Variants in DNM3 observed in about 807,000 individuals in gnomAD.
DNM3 encodes dynamin 3.
Under a neutral mutation model 101.6 loss-of-function variants are expected in DNM3, and 47 were observed. The observed-to-expected ratio is 0.46, with a 90% CI of 0.37 to 0.59. The LOEUF (loss-of-function observed/expected upper bound fraction) is 0.59. DNM3 is among the 20% of genes least tolerant of loss of function. The probability of loss-of-function intolerance (pLI) is 0.00; values close to 1 mark genes in which losing one functional copy is unlikely to be tolerated. For synonymous variants in DNM3, 385 were observed against 387.9 expected, an observed-to-expected ratio of 0.99 and a Z score of 0.09; for missense variants, 849 against 1,085.7, an observed-to-expected ratio of 0.78 and a Z score of 3.06.
intron 1 of DNM3, among the ~76,000 whole-genome samples, chr1:171,908,026 A>G (rs542125840): frequency 6.6e-6 from 1 of 152,228 alleles, no homozygotes; most frequent in South Asian, 2.1e-4. Context: ...TCGTGTATCT[A>G]TATAAAATGG....
chr1:172,135,626 G>C (rs189750343), intron 14 of DNM3, among the ~76,000 whole-genome samples: 12 of 151,920 alleles, frequency 7.9e-5, no homozygotes, highest in South Asian at 2.1e-4. Flanking sequence ...GCCCATATAT[G>C]TTGTACATTT....
At chr1:171,926,993 A>C (rs542749225) in intron 2 of DNM3, among the ~76,000 whole-genome samples, 4 of 152,206 alleles carry the variant, frequency 2.6e-5, no homozygotes, top group Non-Finnish European at 4.4e-5. Context: ...GTAATAATAC[A>C]AGGATGTCTG....
chr1:171,919,495 T>C (rs898226433), intron 1 of DNM3, among the ~76,000 whole-genome samples: 8 of 152,162 alleles, frequency 5.3e-5, no homozygotes, highest in African/African-American at 1.9e-4. Flanking sequence ...CTCATCCTTT[T>C]TTATGGCTGA....
intron 2 of DNM3, among the ~76,000 whole-genome samples, chr1:171,941,049 C>A (rs2041777556): frequency 6.6e-6 from 1 of 151,962 alleles, no homozygotes; most frequent in Non-Finnish European, 1.5e-5. Context: ...CTATTGAGAT[C>A]ATTAAACTTG....
intron 1 of DNM3, among the ~76,000 whole-genome samples, chr1:171,902,128 G>A (rs968490033): frequency 3.2e-4 from 49 of 152,174 alleles, no homozygotes; most frequent in Non-Finnish European, 2.9e-4. Flanking sequence ...CTGAAACCTG[G>A]AAAACACATT....
At chr1:171,927,008 T>A (rs2040623242) in intron 2 of DNM3, among the ~76,000 whole-genome samples, 2 of 152,208 alleles carry the variant, frequency 1.3e-5, no homozygotes, top group South Asian at 4.1e-4. Context: ...TGTCTGCTCT[T>A]GTCACTCTTA....
rs1268192738 is a variant in DNM3 at position 171,892,174 on chromosome 1, CGT to C, written c.162-29563_162-29562del. 5.3e-5 allele frequency among the ~76,000 whole-genome samples: 8 copies of C among 150,348 alleles called. No homozygotes were observed. The South Asian group carries it at 1.5e-3, about 28-fold the overall frequency. ...ATAGTCTCGTAATTGTGTGTGTGTG[CGT>C]GTGTGTGTGTCTATGTGTTTTGAAT... is the stretch of plus-strand genomic sequence containing the variant. On this transcript the variant is annotated intron_variant, in intron 1 of 20. Transcript: ENST00000627582.
At chr1:172,265,007 C>T (rs546751050) in intron 15 of DNM3, among the ~76,000 whole-genome samples, 1 of 152,192 alleles carries the variant, frequency 6.6e-6, no homozygotes, top group African/African-American at 2.4e-5. Flanking sequence ...TTTCAGTTTA[C>T]TGTAAGATCA....
intron 13 of DNM3, among the ~76,000 whole-genome samples, chr1:172,102,109 C>T (rs142557403): frequency 0.02 from 3,071 of 152,158 alleles, 87 homozygotes; most frequent in East Asian, 0.13. Flanking sequence ...CTACCCACCT[C>T]GGCCTCTCAA....
rs140780480 is a variant in DNM3 at position 172,394,885 on chromosome 1, A to G, written c.2522+6076A>G. ...CAAAGAAAGGGGGGTTTAAAAAAAA[A>G]AGTTTTGCCCAGTGTAAGCAGATAC... is the stretch of plus-strand genomic sequence containing the variant. On this transcript the variant is annotated intron_variant, in intron 20 of 20. Coordinates refer to ENST00000627582, the MANE Select transcript of DNM3 (RefSeq NM_015569.5). Among the ~76,000 whole-genome samples, 31 of 152,316 alleles carry G rather than the reference A, an allele frequency of 2.0e-4. 2 individuals carry two copies. In the East Asian group the frequency reaches 6.0e-3, roughly 29 times the overall value.
At chr1:172,341,361 T>G (rs544194679) in intron 17 of DNM3, among the ~76,000 whole-genome samples, 1 of 152,308 alleles carries the variant, frequency 6.6e-6, no homozygotes, top group East Asian at 1.9e-4. Flanking sequence ...ACCAGTAGTA[T>G]TCTTCACAGA....
chr1:172,285,769 C>T (rs1007886462), intron 15 of DNM3, among the ~76,000 whole-genome samples: 2 of 152,026 alleles, frequency 1.3e-5, no homozygotes, highest in Non-Finnish European at 2.9e-5. Flanking sequence ...CCATTGGCAC[C>T]ATGATCCTAC....
chr1:171,986,447 T>C (rs1333411500), intron 2 of DNM3, among the ~76,000 whole-genome samples: 2 of 152,206 alleles, frequency 1.3e-5, no homozygotes, highest in East Asian at 3.9e-4. Flanking sequence ...TGTAAGACTC[T>C]TTTATCCTTT....
At chr1:172,406,454 T>C (rs904140363) in intron 20 of DNM3, among the ~76,000 whole-genome samples, 8 of 152,014 alleles carry the variant, frequency 5.3e-5, no homozygotes, top group Non-Finnish European at 1.2e-4. Flanking sequence ...GTACCATGGC[T>C]CACACCTGTA....
intron 2 of DNM3, among the ~76,000 whole-genome samples, chr1:171,945,226 C>G (rs942278528): frequency 6.6e-6 from 1 of 150,948 alleles, no homozygotes; most frequent in Non-Finnish European, 1.5e-5. Flanking sequence ...TTTTTTTTTC[C>G]AAGAAAAGAA....
chr1:172,099,094 G>T (rs1330575543), intron 13 of DNM3, among the ~76,000 whole-genome samples: 8 of 152,184 alleles, frequency 5.3e-5, no homozygotes, highest in Non-Finnish European at 1.2e-4. Context: ...AGCATGGAAG[G>T]TCAAGAGAGA....
Position 171,875,813 on chromosome 1 carries a change from C to CTTTTTTTTTTTTT in DNM3, c.161+34000_161+34012dup, listed in dbSNP as rs60523795. ...CAAGTCTAAAAAAAGAGTTGTCTCTCTTTTTTTTTTTTTTTTGAGATGGAG... is the reference window on the plus strand; with the variant it reads ...CAAGTCTAAAAAAAGAGTTGTCTCTCTTTTTTTTTTTTTTTTTTTTTTTTTTTTTGAGATGGAG... On this transcript the variant is annotated intron_variant, in intron 1 of 20. Coordinates refer to ENST00000627582, the MANE Select transcript of DNM3 (RefSeq NM_015569.5). 6.0e-3 allele frequency among the ~76,000 whole-genome samples: 628 copies of CTTTTTTTTTTTTT among 104,600 alleles called. 77 individuals are homozygous for CTTTTTTTTTTTTT. Among genetic ancestry groups the CTTTTTTTTTTTTT allele is most frequent in the African/African-American group, 0.015 (358 of 23,172 alleles). The allele number at this position is 104,600 out of a possible 152,430, so 68.6% of individuals were successfully genotyped here. A position where few individuals can be genotyped will look rare whatever the true frequency, so the allele number is the denominator to read the frequency against.
chr1:172,327,921 G>C (rs1317157526), intron 17 of DNM3, among the ~76,000 whole-genome samples: 1 of 152,256 alleles, frequency 6.6e-6, no homozygotes, highest in Middle Eastern at 3.4e-3. Flanking sequence ...AGCCTTAAAA[G>C]AGCATTGTTA....
chr1:172,170,458 C>T (rs1475549203), intron 14 of DNM3, among the ~76,000 whole-genome samples: 1 of 151,818 alleles, frequency 6.6e-6, no homozygotes, highest in Non-Finnish European at 1.5e-5. Flanking sequence ...GGTTCTTAAT[C>T]TCTGGGTCTC....
Sources: allele counts gnomAD v4.1 joint callset (sites outside exome capture counted in the v4.1 genomes callset), GRCh38; gene constraint gnomAD v4.1.1; transcripts MANE v1.5; gene names NCBI Gene and HGNC (gene_info 2026-07-23, HGNC 2026-07-21).